VWCE: variants seen among roughly 807,000 people sequenced by gnomAD.
The protein encoded by VWCE is von Willebrand factor C and EGF domains.
Under a neutral mutation model 102.9 loss-of-function variants are expected in VWCE, and 68 were observed. The observed-to-expected ratio is 0.66, with a 90% CI of 0.54 to 0.81. The LOEUF (loss-of-function observed/expected upper bound fraction) is 0.81, where lower values mean the gene tolerates loss of function less well. Ranked by LOEUF, VWCE falls within the 30% of genes least tolerant of loss-of-function variation. VWCE has a pLI of 0.00. For missense variants in VWCE, 1,137 were observed against 1,263.6 expected (o/e 0.90, Z 1.52); for synonymous variants, 497 against 515.4 (o/e 0.96, Z 0.48).
intron 4 of VWCE, among the ~76,000 whole-genome samples, chr11:61,289,981 C>T (rs1855448366): frequency 6.6e-6 from 1 of 152,216 alleles, no homozygotes; most frequent in South Asian, 2.1e-4. Flanking sequence ...CAGATTTTGT[C>T]CGTAGAAATG....
chr11:61,286,171 A>C lies in VWCE; in HGVS notation c.541+143T>G. The C allele has an allele frequency of 7.3e-6, 6 of 823,714 alleles. No individual in the cohort carries two copies. In the East Asian group the frequency reaches 1.5e-4, roughly 20 times the overall value. 51.0% of individuals were successfully genotyped at this position (823,714 alleles called of 1,614,324 possible). ...CCACATCAGTCAGACAGGAACCATA[A>C]TAGCATCTCCCTCCGAAGCCGGTGG... On this transcript the variant is annotated intron_variant, in intron 5 of 19. Transcript: ENST00000335613.
chr11:61,291,232 GT>G (rs1429321802), intron 3 of VWCE, 31 bp downstream of exon 3: 9 of 1,532,148 alleles, frequency 5.9e-6, no homozygotes, highest in Non-Finnish European at 6.2e-6. Context: ...TCATTCATCT[GT>G]TCCCATCAGC....
chr11:61,265,147 G>T lies in VWCE; in HGVS notation c.2031C>A (p.Asp677Glu). Residue 677 changes from aspartate (D) to glutamate (E), a missense_variant, in exon 17 of 20, where the codon GAC (aspartate) becomes GAA (glutamate). Physicochemically the swap from Asp to Glu is conservative, Grantham distance 45 (BLOSUM62 2). Coordinates refer to ENST00000335613, the MANE Select transcript of VWCE (RefSeq NM_152718.2). ...PITCTYPFHPDGECCPVCRDC... is the reference protein window; with the variant it reads ...PITCTYPFHPEGECCPVCRDC... The stretch of plus-strand genomic sequence containing the variant: ...CTCGGCACACGGGGCAGCACTCCCC[G>T]TCAGGGTGGAAAGGGTAGGTACAGG... The T allele has an allele frequency of 6.3e-7, 1 of 1,585,562 alleles. No individual in the cohort carries two copies. The highest frequency in any genetic ancestry group is 1.2e-5 in the South Asian group (1 of 86,442).
chr11:61,268,807 G>T, intron 15 of VWCE, 115 bp downstream of exon 15: 1 of 1,010,164 alleles, frequency 9.9e-7, no homozygotes. Flanking sequence ...TCTGTGCAAT[G>T]GGGTTGTCCC....
intron 19 of VWCE, among the ~76,000 whole-genome samples, chr11:61,264,172 G>A (rs933834745): frequency 1.4e-5 from 2 of 148,136 alleles, no homozygotes; most frequent in African/African-American, 2.5e-5. Context: ...CTTGCAGTGA[G>A]GTGAGATAGC....
Position 61,285,205 on chromosome 11 carries a change from G to A in VWCE, c.541+1109C>T, listed in dbSNP as rs374653149. Among the ~76,000 whole-genome samples, 255 of 152,166 alleles carry A rather than the reference G, an allele frequency of 1.7e-3. 1 individual carries two copies. Among genetic ancestry groups the A allele is most frequent in the South Asian group, 6.4e-3 (31 of 4,822 alleles). On this transcript the variant is annotated intron_variant, in intron 5 of 19. Coordinates refer to ENST00000335613, the MANE Select transcript of VWCE (RefSeq NM_152718.2). ...AGGCTATTCTCCAGGGAGAGCAGAG[G>A]GCAGCAGTGGGAAAGAGGGCCTGGG...
chr11:61,265,340 G>A, intron 16 of VWCE, 128 bp from the exon 17 acceptor site: 2 of 781,724 alleles, frequency 2.6e-6, no homozygotes, highest in Non-Finnish European at 3.8e-6. Flanking sequence ...AGTCCATGGT[G>A]GGGCAGTGGG....
At chr11:61,266,364 AC>A (rs1338988740) in intron 16 of VWCE, among the ~76,000 whole-genome samples, 1 of 151,856 alleles carries the variant, frequency 6.6e-6, no homozygotes, top group East Asian at 1.9e-4. Flanking sequence ...ATACAACACG[AC>A]CCCATCTCTA....
In VWCE at chr11:61,282,874, C is replaced by A. The variant is rs1473304236; in HGVS notation, c.573G>T (p.Gln191His). 5 of 1,614,108 alleles carry A rather than the reference C, an allele frequency of 3.1e-6. No homozygotes were observed. The highest frequency in any genetic ancestry group is 4.2e-6 in the Non-Finnish European group (5 of 1,180,042). ...DTDECLGTPC[Q>H]QRCKNSIGSY... is the part of the protein sequence containing the mutation. ...TGCCAATGCTGTTTTTACATCTCTG[C>A]TGACAGGGAGTCCCTAGGCATTCGT... The change falls in exon 6 of 20, where the codon CAG (glutamine) becomes CAT (histidine). Residue 191 changes from glutamine (Q) to histidine (H), a missense_variant. Physicochemically the swap from Gln to His is conservative, Grantham distance 24. Coordinates refer to ENST00000335613, the MANE Select transcript of VWCE (RefSeq NM_152718.2).
chr11:61,260,951 G>A (rs553007009), intron 19 of VWCE, among the ~76,000 whole-genome samples: 11 of 152,258 alleles, frequency 7.2e-5, no homozygotes, highest in African/African-American at 1.7e-4. Context: ...CGGCCCAGGC[G>A]CAGTGGCTCA....
At chr11:61,292,514 G>A (rs1409062225) in intron 1 of VWCE, among the ~76,000 whole-genome samples, 2 of 152,142 alleles carry the variant, frequency 1.3e-5, no homozygotes, top group Non-Finnish European at 2.9e-5. Context: ...GGCTGTTGAG[G>A]GAAAGGTTGA....
intron 1 of VWCE, among the ~76,000 whole-genome samples, chr11:61,293,416 CA>C (rs752077588): frequency 0.077 from 4,743 of 61,662 alleles, 184 homozygotes; most frequent in African/African-American, 0.18. Context: ...GATTCTGTCT[CA>C]AAAAAAAAAA....
At chr11:61,283,663 G>C (rs982435512) in intron 5 of VWCE, among the ~76,000 whole-genome samples, 1 of 152,142 alleles carries the variant, frequency 6.6e-6, no homozygotes, top group Admixed American at 6.5e-5. Context: ...CACCTGCCTT[G>C]GCCTCCATTA....
Position 61,294,994 on chromosome 11 carries a change from A to G in VWCE, c.44T>C (p.Leu15Pro). 6.8e-7 allele frequency: 1 copy of G among 1,475,360 alleles called. No individual in the cohort carries two copies. The highest frequency in any genetic ancestry group is 9.0e-7 in the Non-Finnish European group (1 of 1,114,800). 91.4% of individuals were successfully genotyped at this position (1,475,360 alleles called of 1,614,324 possible). A position where few individuals can be genotyped will look rare whatever the true frequency, so the allele number is the denominator to read the frequency against. The change falls in exon 1 of 20, where the codon CTG becomes CCG. Residue 15 changes from leucine to proline, a missense_variant. Physicochemically the swap from Leu to Pro is moderately conservative, Grantham distance 98 (BLOSUM62 -3). Transcript: ENST00000335613. The surrounding 1 kb of genome is among the most constrained non-coding windows in gnomAD (Gnocchi z 6.3). ...GCCTCGGGCTGGTGCCCCCGGCAGC[A>G]GGAGCGCGACACAGGCGGCCCGAAG... ...LLLRAACVALLLPGAPARGYT... is the reference protein window; with the variant it reads ...LLLRAACVALPLPGAPARGYT...
At chr11:61,261,249 G>C (rs2134727063) in intron 19 of VWCE, among the ~76,000 whole-genome samples, 1 of 151,348 alleles carries the variant, frequency 6.6e-6, no homozygotes, top group Middle Eastern at 3.4e-3. Flanking sequence ...GAGTATCGAA[G>C]GTATGATCAA....
chr11:61,276,671 C>A lies in VWCE; in HGVS notation c.1417G>T (p.Val473Leu). 6.2e-7 allele frequency: 1 copy of A among 1,601,934 alleles called. No individual in the cohort carries two copies. Among genetic ancestry groups the A allele is most frequent in the Non-Finnish European group, 8.5e-7 (1 of 1,174,286 alleles). Reference protein sequence around the residue: ...CTVCVCLAGNVSCISPECPSG... With the variant: ...CTVCVCLAGNLSCISPECPSG... ...GGACACTCAGGAGAGATGCAGGACA[C>A]GTTTCCAGCCTGAGGAGGAGGCAAG... is the stretch of plus-strand genomic sequence containing the variant. Residue 473 changes from valine (V) to leucine (L), a missense_variant, in exon 11 of 20, where the codon GTG becomes TTG. Physicochemically the swap from Val to Leu is conservative, Grantham distance 32 (BLOSUM62 1). This residue lies in a region of VWCE where 5 missense variants were observed against 20.4 expected (regional missense o/e 0.24). Transcript: ENST00000335613.
In VWCE at chr11:61,294,989, GCAGCAGGAGCGCGA is replaced by G; in HGVS notation, c.35_48del (p.Val12AlafsTer94). ...GTGTAGCCTCGGGCTGGTGCCCCCG[GCAGCAGGAGCGCGA>G]CACAGGCGGCCCGAAGGAGCAGTCC... On this transcript the variant is annotated frameshift_variant, in exon 1 of 20. Transcript: ENST00000335613. LOFTEE classifies it high-confidence loss of function. This position sits in a 1 kb window ranked among gnomAD's most constrained non-coding sequence, Gnocchi z 6.3. The G allele has an allele frequency of 8.1e-6, 12 of 1,473,798 alleles. No homozygotes were observed. The highest frequency in any genetic ancestry group is 1.1e-5 in the Non-Finnish European group (12 of 1,113,954). 91.3% of individuals were successfully genotyped at this position (1,473,798 alleles called of 1,614,324 possible). A position where few individuals can be genotyped will look rare whatever the true frequency, so the allele number is the denominator to read the frequency against.
chr11:61,261,167 C>T (rs564458815), intron 19 of VWCE, among the ~76,000 whole-genome samples: 1 of 151,586 alleles, frequency 6.6e-6, no homozygotes, highest in East Asian at 1.9e-4. Flanking sequence ...TTGCAGTGAG[C>T]CAAGATCATG....
At chr11:61,266,548 A>G (rs561753607) in intron 16 of VWCE, among the ~76,000 whole-genome samples, 120 of 148,358 alleles carry the variant, frequency 8.1e-4, no homozygotes, top group Non-Finnish European at 1.4e-3. Context: ...ACCCTGTCTC[A>G]AAAAAAAAAC....
Sources: gnomAD v4.1 joint callset for allele counts (sites outside exome capture counted in the v4.1 genomes callset) on GRCh38, gnomAD v4.1.1 for gene constraint, gnomAD v4.1.1 regional missense constraint, Gnocchi (gnomAD v3.1) non-coding constraint, MANE v1.5 for transcripts, NCBI Gene and HGNC (gene_info 2026-07-23, HGNC 2026-07-21) for gene names.